Variants in SGCD observed in about 807,000 individuals in gnomAD.
SGCD encodes the protein sarcoglycan delta, also known as delta-sarcoglycan.
Under a neutral mutation model 36.6 loss-of-function variants are expected in SGCD, and 18 were observed. The observed-to-expected ratio is 0.49, with a 90% CI of 0.34 to 0.73. The LOEUF (loss-of-function observed/expected upper bound fraction) is 0.73, where lower values mean the gene tolerates loss of function less well. SGCD is among the 30% of genes least tolerant of loss of function. SGCD has a pLI of 0.01. For synonymous variants in SGCD, 133 were observed against 130.6 expected (o/e 1.02, Z -0.12); for missense variants, 387 against 346.7 (o/e 1.12, Z -0.92).
chr5:156,102,572 T>C (rs1007695661), intron 1 of SGCD, among the ~76,000 whole-genome samples: 12 of 152,202 alleles, frequency 7.9e-5, no homozygotes, highest in Non-Finnish European at 5.9e-5. Context: ...AGCTGATGTA[T>C]GCATCCAAAT....
chr5:156,706,649 T>C (rs1709782766), intron 7 of SGCD, among the ~76,000 whole-genome samples: 1 of 152,134 alleles, frequency 6.6e-6, no homozygotes, highest in Admixed American at 6.5e-5. Context: ...AGAGAATATA[T>C]GTTCCCTCAG....
At chr5:156,422,762 G>C (rs551007198) in intron 3 of SGCD, among the ~76,000 whole-genome samples, 2 of 152,110 alleles carry the variant, frequency 1.3e-5, no homozygotes, top group South Asian at 4.1e-4. Context: ...CTAGTTGCCA[G>C]TAGCAAACCC....
intron 1 of SGCD, among the ~76,000 whole-genome samples, chr5:155,950,502 G>C (rs1466885707): frequency 1.3e-5 from 2 of 152,152 alleles, no homozygotes; most frequent in African/African-American, 4.8e-5. Flanking sequence ...GGGGTTCCCT[G>C]ATTAGTTTAA....
At chr5:156,186,293 G>T (rs2127630162) in intron 3 of SGCD, among the ~76,000 whole-genome samples, 2 of 152,152 alleles carry the variant, frequency 1.3e-5, no homozygotes, top group Middle Eastern at 3.4e-3. Context: ...GTGACTGGTG[G>T]GTAGTTGGGG....
chr5:156,697,754 T>C (rs79276817), intron 7 of SGCD, among the ~76,000 whole-genome samples: 1,771 of 112,816 alleles, frequency 0.016, 20 homozygotes, highest in East Asian at 0.08. Flanking sequence ...GACGGACGGA[T>C]GGATGGATGG....
At chr5:156,153,680 A>G (rs187366170) in intron 3 of SGCD, among the ~76,000 whole-genome samples, 19 of 151,702 alleles carry the variant, frequency 1.3e-4, no homozygotes, top group Admixed American at 3.9e-4. Flanking sequence ...TTTTGTAGCC[A>G]TTCATTTAGA....
chr5:156,586,082 A>G (rs1760481984), intron 4 of SGCD, among the ~76,000 whole-genome samples: 1 of 150,902 alleles, frequency 6.6e-6, no homozygotes, highest in Non-Finnish European at 1.5e-5. Context: ...TTTTAAAGTA[A>G]TATCCTTTTT....
At chr5:155,762,075 G>T in the SGCD span, among the ~76,000 whole-genome samples, 1 of 152,142 alleles carries the variant, frequency 6.6e-6, no homozygotes. Context: ...CCACTAAGTG[G>T]CTGCATTGGA....
At chr5:156,590,094 A>G (rs963304769) in intron 5 of SGCD, among the ~76,000 whole-genome samples, 3 of 152,226 alleles carry the variant, frequency 2.0e-5, no homozygotes, top group African/African-American at 4.8e-5. Context: ...TGGCATTGTT[A>G]TACTTACAGA....
chr5:156,301,518 A>G (rs1053422317), intron 3 of SGCD, among the ~76,000 whole-genome samples: 1 of 152,026 alleles, frequency 6.6e-6, no homozygotes, highest in African/African-American at 2.4e-5. Context: ...TCGTCTTTTC[A>G]CTCAAGATTT....
chr5:156,437,457 C>T (rs17053557), intron 3 of SGCD, among the ~76,000 whole-genome samples: 26,767 of 152,072 alleles, frequency 0.18, 2,885 homozygotes, highest in African/African-American at 0.29. Flanking sequence ...TTTGAAATCA[C>T]GCCCTGAGCT....
intron 7 of SGCD, among the ~76,000 whole-genome samples, chr5:156,691,014 C>T (rs1414165245): frequency 6.6e-6 from 1 of 151,882 alleles, no homozygotes; most frequent in Non-Finnish European, 1.5e-5. Flanking sequence ...CAAGACCAAC[C>T]TGGCCAACAT....
At chr5:156,560,437 G>A (rs539416989) in intron 4 of SGCD, among the ~76,000 whole-genome samples, 1 of 152,280 alleles carries the variant, frequency 6.6e-6, no homozygotes, top group East Asian at 1.9e-4. Flanking sequence ...TTTACTCCAA[G>A]CAACACCCAG....
At chr5:155,825,911 A>G in the SGCD span, among the ~76,000 whole-genome samples, 4 of 151,772 alleles carry the variant, frequency 2.6e-5, no homozygotes, top group South Asian at 6.3e-4. Context: ...ACCACACCCA[A>G]CTAATTTTTG....
chr5:155,766,433 A>T, the SGCD span, among the ~76,000 whole-genome samples: 1 of 152,086 alleles, frequency 6.6e-6, no homozygotes, highest in Non-Finnish European at 1.5e-5. Flanking sequence ...AGAAGAATGG[A>T]CTATGTGTTT....
At chr5:156,344,731 G>A (rs1768860592) in intron 3 of SGCD, 54 bp downstream of exon 3, 1 of 1,349,830 alleles carries the variant, frequency 7.4e-7, no homozygotes, top group East Asian at 2.4e-5. Flanking sequence ...GGAAGCGTGG[G>A]GCAAGATGAT....
chr5:156,365,664 G>A (rs1407356517), intron 3 of SGCD, among the ~76,000 whole-genome samples: 3 of 152,002 alleles, frequency 2.0e-5, no homozygotes, highest in African/African-American at 7.3e-5. Context: ...GTGTATCTGT[G>A]TATGCATAAA....
At chr5:156,061,342 C>A (rs1229799193) in intron 1 of SGCD, among the ~76,000 whole-genome samples, 4 of 145,960 alleles carry the variant, frequency 2.7e-5, no homozygotes, top group Admixed American at 1.4e-4. Flanking sequence ...GAAACAGAGA[C>A]AGGGAGTTAA....
intron 3 of SGCD, among the ~76,000 whole-genome samples, chr5:156,357,355 GT>G (rs1769544946): frequency 6.6e-6 from 1 of 152,162 alleles, no homozygotes; most frequent in African/African-American, 2.4e-5. Flanking sequence ...ACCAAGATAT[GT>G]CTAACTTCAA....
Sources: allele counts gnomAD v4.1 joint callset (sites outside exome capture counted in the v4.1 genomes callset), GRCh38; gene constraint gnomAD v4.1.1; transcripts MANE v1.5; gene names NCBI Gene and HGNC (gene_info 2026-07-23, HGNC 2026-07-21).